Variants in FADS2 observed in about 807,000 individuals in gnomAD.
FADS2 encodes fatty acid desaturase 2, also known as acyl-CoA 6-desaturase.
Under a neutral mutation model 61.2 loss-of-function variants are expected in FADS2, and 18 were observed. The observed-to-expected ratio is 0.29, with a 90% CI of 0.20 to 0.44. The LOEUF (loss-of-function observed/expected upper bound fraction) is 0.44, where lower values mean the gene tolerates loss of function less well. Ranked by LOEUF, FADS2 falls within the 20% of genes least tolerant of loss-of-function variation. FADS2 has a pLI of 1.00. For missense variants in FADS2, 322 were observed against 572.7 expected, an observed-to-expected ratio of 0.56 and a Z score of 4.47; for synonymous variants, 203 against 223.9, an observed-to-expected ratio of 0.91 and a Z score of 0.83.
rs1392772722 is a variant in FADS2 at position 61,828,422 on chromosome 11, C to G, written c.32C>G (p.Ala11Gly). The G allele has an allele frequency of 6.3e-7, 1 of 1,578,982 alleles. No individual in the cohort carries two copies. Among genetic ancestry groups the G allele is most frequent in the East Asian group, 2.3e-5 (1 of 43,696 alleles). Residue 11 changes from alanine to glycine, a missense_variant, in exon 1 of 12, where the codon GCC (alanine) becomes GGC (glycine). By Grantham distance (60) the Ala-to-Gly change is moderately conservative. This residue lies in a region of FADS2 where 61 missense variants were observed against 107.4 expected (regional missense o/e 0.57). Coordinates refer to ENST00000278840, the MANE Select transcript of FADS2 (RefSeq NM_004265.4). The surrounding 1 kb of genome is among the most constrained non-coding windows in gnomAD (Gnocchi z 6.4). The stretch of plus-strand genomic sequence containing the variant: ...AAGGGAGGGAACCAGGGCGAGGGGG[C>G]CGCCGAGCGCGAGGTGTCGGTGCCC... Reference protein sequence around the residue: MGKGGNQGEGAAEREVSVPTF... With the variant: MGKGGNQGEGGAEREVSVPTF...
At chr11:61,856,786 T>G in intron 5 of FADS2, 1 of 561,570 alleles carries the variant, frequency 1.8e-6, no homozygotes, top group Non-Finnish European at 3.2e-6. Context: ...GGGCCAGTGC[T>G]CGGCTAGGGC....
chr11:61,845,063 C>A (rs1406729794), intron 4 of FADS2, among the ~76,000 whole-genome samples: 1 of 67,014 alleles, frequency 1.5e-5, no homozygotes, highest in African/African-American at 6.4e-5. Context: ...TTTTTTTTTG[C>A]CTCAGGCTCT....
intron 4 of FADS2, among the ~76,000 whole-genome samples, chr11:61,844,454 C>G (rs926800365): frequency 3.9e-5 from 6 of 152,118 alleles, no homozygotes; most frequent in African/African-American, 1.4e-4. Flanking sequence ...GAGGCTAAGA[C>G]AGGAGAATCA....
upstream of FADS2, among the ~76,000 whole-genome samples, chr11:61,824,521 A>AAGAAAGAAAG (rs1565325492): frequency 9.2e-6 from 1 of 108,710 alleles, no homozygotes; most frequent in African/African-American, 3.0e-5. Context: ...GAAAGAAAGA[A>AAGAAAGAAAG]AGAAAGAAAA....
At chr11:61,853,266 C>T (rs1304097651) in intron 5 of FADS2, among the ~76,000 whole-genome samples, 4 of 114,182 alleles carry the variant, frequency 3.5e-5, no homozygotes, top group African/African-American at 1.1e-4. Flanking sequence ...TCTTTCTCTC[C>T]CTCCCTCCCT....
intron 7 of FADS2, among the ~76,000 whole-genome samples, chr11:61,860,034 G>T (rs1469500647): frequency 6.6e-6 from 1 of 152,272 alleles, no homozygotes; most frequent in Non-Finnish European, 1.5e-5. Context: ...GGGGATGGCA[G>T]AGTGGGGACA....
At chr11:61,851,178 G>C (rs1428428757) in intron 5 of FADS2, among the ~76,000 whole-genome samples, 2 of 152,192 alleles carry the variant, frequency 1.3e-5, no homozygotes, top group African/African-American at 4.8e-5. Flanking sequence ...GGGGACAAAG[G>C]CTTCATTTTC....
chr11:61,832,596 C>T (rs958985614), intron 1 of FADS2, among the ~76,000 whole-genome samples: 6 of 152,188 alleles, frequency 3.9e-5, no homozygotes, highest in African/African-American at 7.2e-5. Context: ...GCTCTCACTG[C>T]GGGGCTCTTT....
chr11:61,823,850 T>C (rs901357441), upstream of FADS2, among the ~76,000 whole-genome samples: 2 of 152,174 alleles, frequency 1.3e-5, no homozygotes, highest in Non-Finnish European at 2.9e-5. Flanking sequence ...CCCCAGCCTG[T>C]CATTTAAGGC....
chr11:61,840,618 C>T lies in FADS2; in HGVS notation c.517-6C>T, dbSNP rs373987912. On this transcript the variant is annotated splice_polypyrimidine_tract_variant and splice_region_variant and intron_variant, in intron 3 of 11. Transcript: ENST00000278840. ...TGTGACAGCACGTGTGACCCTCTCT[C>T]CCCAGGCCCAAGCTGGATGGCTGCA... 46 of 1,613,966 alleles carry T rather than the reference C, an allele frequency of 2.9e-5. No individual in the cohort carries two copies. The highest frequency in any genetic ancestry group is 6.7e-5 in the African/African-American group (5 of 74,934).
chr11:61,851,372 T>C (rs1243394926), intron 5 of FADS2, among the ~76,000 whole-genome samples: 1 of 152,180 alleles, frequency 6.6e-6, no homozygotes, highest in Non-Finnish European at 1.5e-5. Context: ...AACGCTGGCT[T>C]TGGGGCAGGA....
At chr11:61,858,399 G>T (rs1297244) in intron 7 of FADS2, among the ~76,000 whole-genome samples, 3 of 151,972 alleles carry the variant, frequency 2.0e-5, no homozygotes, top group Admixed American at 2.0e-4. Flanking sequence ...GGCTGGTCTC[G>T]AACTCCTGGC....
intron 1 of FADS2, among the ~76,000 whole-genome samples, chr11:61,835,741 G>A (rs1454216430): frequency 1.3e-5 from 2 of 152,070 alleles, no homozygotes; most frequent in East Asian, 3.9e-4. Context: ...AAATGTTGAA[G>A]GAACAAGCAA....
chr11:61,856,868 G>A, intron 5 of FADS2, 143 bp from the exon 6 acceptor site: 1 of 722,486 alleles, frequency 1.4e-6, no homozygotes, highest in Non-Finnish European at 2.4e-6. Context: ...AGGCTTGGTG[G>A]GCCCAGGGTG....
At chr11:61,848,417 C>A in intron 5 of FADS2, 133 bp downstream of exon 5, 1 of 1,465,388 alleles carries the variant, frequency 6.8e-7, no homozygotes, top group Non-Finnish European at 9.4e-7. Flanking sequence ...CATCGAGGTA[C>A]GACTAAGGGG....
chr11:61,842,051 C>A (rs929091584), intron 4 of FADS2, among the ~76,000 whole-genome samples: 3 of 152,222 alleles, frequency 2.0e-5, no homozygotes, highest in Non-Finnish European at 4.4e-5. Flanking sequence ...CCCATCCCAG[C>A]CTGACCCAAC....
Position 61,857,570 on chromosome 11 carries a change from G to A in FADS2, c.882+40G>A, listed in dbSNP as rs1169541329. The A allele has an allele frequency of 3.2e-6, 5 of 1,568,822 alleles. No individual in the cohort carries two copies. The South Asian group carries it at 5.5e-5, about 17-fold the overall frequency. ...CAGCTGGCTTGGCATGGGGAGGAGG[G>A]TGACTGGGACAGGGGGACCCGGGGG... is the stretch of plus-strand genomic sequence containing the variant. On this transcript the variant is annotated intron_variant, in intron 7 of 11. Transcript: ENST00000278840.
At chr11:61,853,783 C>A (rs563984003) in intron 5 of FADS2, among the ~76,000 whole-genome samples, 1 of 152,186 alleles carries the variant, frequency 6.6e-6, no homozygotes, top group Admixed American at 6.5e-5. Flanking sequence ...CCGCCTGTTT[C>A]TCTCTGTGTG....
chr11:61,830,441 C>T (rs187659930), intron 1 of FADS2, among the ~76,000 whole-genome samples: 6 of 152,322 alleles, frequency 3.9e-5, no homozygotes, highest in Non-Finnish European at 7.3e-5. Context: ...GCTTACCTGA[C>T]CTTAACACTG....
Sources: allele counts gnomAD v4.1 joint callset (sites outside exome capture counted in the v4.1 genomes callset), GRCh38; gene constraint gnomAD v4.1.1; regional missense constraint gnomAD v4.1.1; non-coding constraint Gnocchi (gnomAD v3.1); transcripts MANE v1.5; gene names NCBI Gene and HGNC (gene_info 2026-07-23, HGNC 2026-07-21).